Variants in AGBL1 observed in about 807,000 individuals in gnomAD.
AGBL1 encodes AGBL carboxypeptidase 1, also known as cytosolic carboxypeptidase 4.
A neutral mutation model predicts 118.9 loss-of-function variants in AGBL1; 130 were observed. That is an observed-to-expected ratio of 1.09 (90% CI 0.95 to 1.26). AGBL1 has a LOEUF of 1.26. Among genes scored for constraint, AGBL1 ranks in the 50% most tolerant of loss-of-function variants. The pLI is 0.00. For synonymous variants in AGBL1, 555 were observed against 478.9 expected (o/e 1.16, Z -2.08); for missense variants, 1,584 against 1,298.1 (o/e 1.22, Z -3.38).
At chr15:86,191,896 C>T (rs1282567150) in intron 5 of AGBL1, among the ~76,000 whole-genome samples, 1 of 148,210 alleles carries the variant, frequency 6.7e-6, no homozygotes, top group Non-Finnish European at 1.5e-5. Flanking sequence ...AACATAGACC[C>T]TGTCTCTTAA....
chr15:86,871,118 C>T (rs538323768), intron 22 of AGBL1, among the ~76,000 whole-genome samples: 1 of 152,296 alleles, frequency 6.6e-6, no homozygotes, highest in East Asian at 1.9e-4. Context: ...AGGAAGCCAG[C>T]TTAAGAAACC....
chr15:87,019,592 G>A (rs1406125443), intron 24 of AGBL1, among the ~76,000 whole-genome samples: 3 of 151,996 alleles, frequency 2.0e-5, no homozygotes, highest in African/African-American at 7.2e-5. Context: ...AAGAGCCAAT[G>A]TACCAGAATC....
rs144121391 is a variant in AGBL1, at chr15:86,681,439, C to G, written c.3158+7003C>G. Reference sequence around the variant, plus strand: ...TTTTTGAAAAACAACTTTCCAGATACCTTTATACAGCCTCCTGTGTCCTGT... The same window carrying G: ...TTTTTGAAAAACAACTTTCCAGATAGCTTTATACAGCCTCCTGTGTCCTGT... On this transcript the variant is annotated intron_variant, in intron 22 of 22. Transcript: ENST00000614907. 9.5e-3 allele frequency among the ~76,000 whole-genome samples: 1,441 copies of G among 152,180 alleles called. 75 individuals carry two copies. Among genetic ancestry groups the G allele is most frequent in the Admixed American group, 0.083 (1,269 of 15,250 alleles).
intron 21 of AGBL1, among the ~76,000 whole-genome samples, chr15:86,606,545 CTTG>C (rs2084580381): frequency 6.6e-6 from 1 of 152,124 alleles, no homozygotes; most frequent in Non-Finnish European, 1.5e-5. Context: ...GTTCTGAAAT[CTTG>C]TTAAGAATAA....
intron 22 of AGBL1, among the ~76,000 whole-genome samples, chr15:86,722,674 A>C (rs1160842042): frequency 6.6e-6 from 1 of 152,238 alleles, no homozygotes; most frequent in Non-Finnish European, 1.5e-5. Context: ...AATTAAACTA[A>C]AGAGCTTCTG....
chr15:86,543,644 C>A (rs532342983), intron 19 of AGBL1, among the ~76,000 whole-genome samples: 1 of 152,210 alleles, frequency 6.6e-6, no homozygotes, highest in East Asian at 1.9e-4. Context: ...AAAATAAGTA[C>A]CTCACAAGGA....
intron 18 of AGBL1, among the ~76,000 whole-genome samples, chr15:86,401,357 T>C (rs1403334407): frequency 6.6e-6 from 1 of 152,214 alleles, no homozygotes; most frequent in Admixed American, 6.5e-5. Context: ...TATTAGTCCT[T>C]CGTTGCATGC....
At chr15:86,537,730 C>T (rs974826787) in intron 19 of AGBL1, among the ~76,000 whole-genome samples, 1 of 152,238 alleles carries the variant, frequency 6.6e-6, no homozygotes, top group Non-Finnish European at 1.5e-5. Context: ...ACATCACTTT[C>T]TAATGGGTCC....
In AGBL1 at chr15:86,668,920, C is replaced by T. The variant is rs74025405; in HGVS notation, c.2995-5353C>T. Among the ~76,000 whole-genome samples the T allele has an allele frequency of 2.2e-3, 340 of 152,254 alleles. 4 individuals carry two copies. The highest frequency in any genetic ancestry group is 0.017 in the Middle Eastern group (5 of 294). Reference sequence around the variant, plus strand: ...ATTCATAATTTCTAAACACAGCCCTCCTTCAAGCAGATTTGGAATCACAAT... The same window carrying T: ...ATTCATAATTTCTAAACACAGCCCTTCTTCAAGCAGATTTGGAATCACAAT... On this transcript the variant is annotated intron_variant, in intron 21 of 22. Coordinates refer to ENST00000614907, the MANE Select transcript of AGBL1 (RefSeq NM_001386094.1).
At chr15:86,771,287 C>T (rs906566055) in intron 22 of AGBL1, among the ~76,000 whole-genome samples, 1 of 151,960 alleles carries the variant, frequency 6.6e-6, no homozygotes, top group African/African-American at 2.4e-5. Context: ...ATCCCTAATC[C>T]TTTTGATAAT....
intron 22 of AGBL1, among the ~76,000 whole-genome samples, chr15:86,733,408 A>G (rs1052936206): frequency 4.6e-5 from 7 of 152,148 alleles, no homozygotes; most frequent in African/African-American, 1.2e-4. Flanking sequence ...TAATCATTCA[A>G]ATGCTGTTCT....
chr15:86,306,111 T>A (rs1833667813), intron 17 of AGBL1, among the ~76,000 whole-genome samples: 2 of 152,158 alleles, frequency 1.3e-5, no homozygotes, highest in Admixed American at 6.6e-5. Flanking sequence ...AATAAGCACA[T>A]CATGGACAAT....
chr15:86,989,149 TTGCCACCAAGTCTGGC>T (rs1443811042), intron 24 of AGBL1, among the ~76,000 whole-genome samples: 1 of 151,964 alleles, frequency 6.6e-6, no homozygotes, highest in African/African-American at 2.4e-5. Context: ...CTACAGGTGT[TTGCCACCAAGTCTGGC>T]TGATTTTTTA....
In AGBL1 at chr15:86,975,094, T is replaced by C. The variant is rs74025724; in HGVS notation, c.3222-12893T>C. 2.7e-3 allele frequency among the ~76,000 whole-genome samples: 413 copies of C among 152,030 alleles called. 1 individual carries two copies. Among genetic ancestry groups the C allele is most frequent in the African/African-American group, 9.2e-3 (380 of 41,486 alleles). ...ATCCTCCCCTCAACTTTCTGGAGCT[T>C]TTTTGAGAGGAGCAAAGAGATAAAA... is the stretch of plus-strand genomic sequence containing the variant. On this transcript the variant is annotated intron_variant, in intron 23 of 24. Coordinates refer to the AGBL1 transcript ENST00000441037.
At chr15:86,447,736 T>C (rs932504509) in intron 18 of AGBL1, among the ~76,000 whole-genome samples, 1 of 152,176 alleles carries the variant, frequency 6.6e-6, no homozygotes, top group African/African-American at 2.4e-5. Flanking sequence ...CAAGCACTAT[T>C]TAAGGCCAGC....
intron 15 of AGBL1, 60 bp downstream of exon 15, chr15:86,271,766 A>T: frequency 6.9e-7 from 1 of 1,450,154 alleles, no homozygotes; most frequent in Non-Finnish European, 9.7e-7. Flanking sequence ...TCAATTTCCC[A>T]CTTTTCCATA....
intron 23 of AGBL1, among the ~76,000 whole-genome samples, chr15:86,933,187 A>G (rs1430925313): frequency 2.6e-5 from 4 of 152,102 alleles, no homozygotes; most frequent in Admixed American, 2.0e-4. Flanking sequence ...AACGTGGCTG[A>G]CTCCATCCTG....
chr15:86,745,358 A>G (rs560426527), intron 22 of AGBL1, among the ~76,000 whole-genome samples: 2 of 152,188 alleles, frequency 1.3e-5, no homozygotes, highest in South Asian at 4.1e-4. Flanking sequence ...TTACACAAGT[A>G]TAGAAAATAT....
intron 22 of AGBL1, among the ~76,000 whole-genome samples, chr15:86,818,580 G>A (rs1321994242): frequency 6.6e-6 from 1 of 152,030 alleles, no homozygotes; most frequent in East Asian, 1.9e-4. Flanking sequence ...AAAAGGTTGG[G>A]GACTGCTGCT....
Sources: allele counts gnomAD v4.1 joint callset (sites outside exome capture counted in the v4.1 genomes callset), GRCh38; gene constraint gnomAD v4.1.1; transcripts MANE v1.5; gene names NCBI Gene and HGNC (gene_info 2026-07-23, HGNC 2026-07-21).